Variants in SMTNL1 observed in about 807,000 individuals in gnomAD.
SMTNL1 encodes the protein smoothelin-like protein 1.
A neutral mutation model predicts 46.6 loss-of-function variants in SMTNL1; 41 were observed. The ratio of observed to expected loss-of-function variants is 0.88; its 90% CI spans 0.69 to 1.14. The LOEUF (loss-of-function observed/expected upper bound fraction) is 1.14, where lower values mean the gene tolerates loss of function less well. Among genes scored for constraint, SMTNL1 ranks in the 50% most tolerant of loss-of-function variants. SMTNL1 has a pLI of 0.00. For missense variants in SMTNL1, 591 were observed against 626.1 expected (o/e 0.94, Z 0.60); for synonymous variants, 234 against 234.2 (o/e 1.00, Z 0.01).
chr11:57,540,407 A>G lies in SMTNL1; in HGVS notation c.-2-2234A>G, dbSNP rs540466900. ...AGCCACTGCGCCTGGCTGAAACTGT[A>G]TATCTCTAAGAGGGTAAAGAGTAGG... On this transcript the variant is annotated intron_variant, in intron 1 of 7. Transcript: ENST00000527972. 2.6e-4 allele frequency among the ~76,000 whole-genome samples: 40 copies of G among 152,274 alleles called. No individual in the cohort carries two copies. In the South Asian group the frequency reaches 6.2e-3, roughly 24 times the overall value.
rs555107869 is a variant in SMTNL1, at chr11:57,541,299, T to C, written c.-2-1342T>C. On this transcript the variant is annotated intron_variant, in intron 1 of 7. Transcript: ENST00000527972. ...CCAAGGGCAGGGGGTATTTTTAGTG[T>C]GTGACAGGAGTGTCCACTTTTCTTA... 1.1e-4 allele frequency among the ~76,000 whole-genome samples: 16 copies of C among 152,270 alleles called. No homozygotes were observed. The South Asian group carries it at 1.5e-3, about 14-fold the overall frequency.
intron 7 of SMTNL1, among the ~76,000 whole-genome samples, 181 bp downstream of exon 7, chr11:57,546,833 G>A (rs1348072612): frequency 6.6e-6 from 1 of 152,176 alleles, no homozygotes; most frequent in Non-Finnish European, 1.5e-5. Flanking sequence ...GGGTGAAAAA[G>A]ACAAAAATCT....
In SMTNL1 at chr11:57,545,786, C is replaced by G. The variant is rs1944916049; in HGVS notation, c.918-95C>G. ...CAGCTGCACACACCCCCTTAGACTG[C>G]AGTGCCACCCACCCTCCAGCCCCAC... On this transcript the variant is annotated intron_variant, in intron 4 of 7. Coordinates refer to ENST00000527972, the MANE Select transcript of SMTNL1 (RefSeq NM_001105565.3). 2.5e-6 allele frequency: 3 copies of G among 1,212,930 alleles called. No homozygotes were observed. The Admixed American group carries it at 6.6e-5, about 27-fold the overall frequency. 75.1% of individuals were successfully genotyped at this position (1,212,930 alleles called of 1,614,324 possible). A position where few individuals can be genotyped will look rare whatever the true frequency, so the allele number is the denominator to read the frequency against.
Position 57,542,137 on chromosome 11 carries a change from C to CAAAA in SMTNL1, c.-2-503_-2-502insAAAA, listed in dbSNP as rs1253813381. 1.1e-3 allele frequency among the ~76,000 whole-genome samples: 165 copies of CAAAA among 148,128 alleles called. 1 individual carries two copies. The highest frequency in any genetic ancestry group is 3.7e-3 in the African/African-American group (145 of 39,226). ...AAACACACACACACACACACACACA[C>CAAAA]ACACACAAAAATTAGCCAGGTGTGG... On this transcript the variant is annotated intron_variant, in intron 1 of 7. Coordinates refer to ENST00000527972, the MANE Select transcript of SMTNL1 (RefSeq NM_001105565.3).
chr11:57,543,656 G>C lies in SMTNL1; in HGVS notation c.765G>C (p.Gln255His). The part of the protein sequence containing the change: ...EPGSPSEEQE[Q>H]DVEKEPEGGA... ...GCAGTCCCAGCGAAGAGCAGGAGCAGGACGTGGAAAAAGAGCCAGAGGGAG... is the reference window on the plus strand; with the variant it reads ...GCAGTCCCAGCGAAGAGCAGGAGCACGACGTGGAAAAAGAGCCAGAGGGAG... Residue 255 changes from glutamine (Q) to histidine (H), a missense_variant, in exon 3 of 8, where the codon CAG (glutamine) becomes CAC (histidine). By Grantham distance (24) the Gln-to-His change is conservative. Coordinates refer to ENST00000527972, the MANE Select transcript of SMTNL1 (RefSeq NM_001105565.3). The C allele has an allele frequency of 6.2e-7, 1 of 1,606,844 alleles. No individual in the cohort carries two copies. Among genetic ancestry groups the C allele is most frequent in the Non-Finnish European group, 8.5e-7 (1 of 1,177,074 alleles).
intron 1 of SMTNL1, among the ~76,000 whole-genome samples, chr11:57,538,822 C>A (rs538386431): frequency 6.6e-6 from 1 of 152,184 alleles, no homozygotes; most frequent in African/African-American, 2.4e-5. Flanking sequence ...GAAAGCAGGG[C>A]CTCCGCAGCA....
chr11:57,539,448 T>G (rs1042734837), intron 1 of SMTNL1, among the ~76,000 whole-genome samples: 6 of 152,226 alleles, frequency 3.9e-5, no homozygotes, highest in Non-Finnish European at 8.8e-5. Flanking sequence ...ATCATCCTAC[T>G]GGCATTCAGT....
intron 5 of SMTNL1, 58 bp from the exon 6 acceptor site, chr11:57,546,175 G>A (rs1944921184): frequency 2.0e-6 from 3 of 1,523,132 alleles, no homozygotes; most frequent in Admixed American, 2.0e-5. Flanking sequence ...CCTCCCAGTG[G>A]GGCCCTTCAT....
At chr11:57,538,236 C>A (rs556298257) in intron 1 of SMTNL1, among the ~76,000 whole-genome samples, 1 of 152,216 alleles carries the variant, frequency 6.6e-6, no homozygotes, top group East Asian at 1.9e-4. Flanking sequence ...CTTAGGACAA[C>A]CAGATGACAG....
chr11:57,540,689 G>A (rs1285377982), intron 1 of SMTNL1, among the ~76,000 whole-genome samples: 3 of 151,460 alleles, frequency 2.0e-5, no homozygotes, highest in African/African-American at 4.8e-5. Context: ...GCTGATGTGC[G>A]TCCATCCCCC....
At position 57,542,752 on chromosome 11, in the gene SMTNL1, C is replaced by T. The variant is rs752264875; in HGVS notation, c.110C>T (p.Thr37Ile). The T allele has an allele frequency of 1.2e-6, 2 of 1,613,940 alleles. No homozygotes were observed. Among genetic ancestry groups the T allele is most frequent in the East Asian group, 2.2e-5 (1 of 44,878 alleles). Residue 37 changes from threonine to isoleucine, a missense_variant, in exon 2 of 8, where the codon ACA (threonine) becomes ATA (isoleucine). Transcript: ENST00000527972. ...GCCCCTGCAGAGGAGACCAAAGGCA[C>T]AGCTGGAAAGGCCATCAATGAGGGG... ...GGAPAEETKG[T>I]AGKAINEGPP...
At chr11:57,544,285 C>G (rs373064241) in intron 4 of SMTNL1, among the ~76,000 whole-genome samples, 84 of 152,126 alleles carry the variant, frequency 5.5e-4, no homozygotes, top group African/African-American at 2.0e-3. Flanking sequence ...GAGGCTGAGG[C>G]AGGATAATTA....
intron 4 of SMTNL1, among the ~76,000 whole-genome samples, chr11:57,545,149 T>C (rs988436782): frequency 6.6e-6 from 1 of 152,026 alleles, no homozygotes; most frequent in Admixed American, 6.6e-5. Flanking sequence ...CTTGTCCCTT[T>C]CTTAGGGAAA....
At chr11:57,538,085 C>T (rs1004007676) in intron 1 of SMTNL1, among the ~76,000 whole-genome samples, 4 of 150,952 alleles carry the variant, frequency 2.6e-5, no homozygotes, top group African/African-American at 9.8e-5. Context: ...TTAGTGTTAA[C>T]GTATTTTACA....
intron 1 of SMTNL1, among the ~76,000 whole-genome samples, chr11:57,538,544 A>C (rs1944848149): frequency 6.6e-6 from 1 of 152,238 alleles, no homozygotes; most frequent in Non-Finnish European, 1.5e-5. Context: ...TCCTCGGCTG[A>C]ATCTGACTGC....
chr11:57,545,912 C>T lies in SMTNL1; in HGVS notation c.949C>T (p.Pro317Ser), dbSNP rs919784469. 2 of 1,613,428 alleles carry T rather than the reference C, an allele frequency of 1.2e-6. No individual in the cohort carries two copies. Among genetic ancestry groups the T allele is most frequent in the Non-Finnish European group, 1.7e-6 (2 of 1,179,588 alleles). The change falls in exon 5 of 8, where the codon CCC becomes TCC. Residue 317 changes from proline to serine, a missense_variant. By Grantham distance (74) the Pro-to-Ser change is moderately conservative. Coordinates refer to ENST00000527972, the MANE Select transcript of SMTNL1 (RefSeq NM_001105565.3). ...ESSPSDVPQS[P>S]PESPSSGEKK... is the part of the protein sequence containing the mutation. ...TTCACCCAGCGACGTGCCCCAGAGT[C>T]CCCCTGAGTCCCCTTCCTCAGGGGA...
intron 2 of SMTNL1, 110 bp from the exon 3 acceptor site, chr11:57,543,514 G>T: frequency 4.0e-6 from 6 of 1,517,242 alleles, no homozygotes; most frequent in Non-Finnish European, 5.3e-6. Context: ...GGGGGGACAA[G>T]GAGTGCAGCA....
intron 2 of SMTNL1, 60 bp downstream of exon 2, chr11:57,543,434 C>A: frequency 6.4e-7 from 1 of 1,572,706 alleles, no homozygotes. Flanking sequence ...GGAAGCAAGC[C>A]CCCTCTGCTT....
intron 7 of SMTNL1, among the ~76,000 whole-genome samples, chr11:57,547,284 C>T (rs1209213841): frequency 6.6e-6 from 1 of 152,332 alleles, no homozygotes; most frequent in African/African-American, 2.4e-5. Flanking sequence ...CCTGCAGCTG[C>T]CTGGACTCTG....
Sources: allele counts gnomAD v4.1 joint callset (sites outside exome capture counted in the v4.1 genomes callset), GRCh38; gene constraint gnomAD v4.1.1; transcripts MANE v1.5; gene names NCBI Gene and HGNC (gene_info 2026-07-23, HGNC 2026-07-21).